Variants in ROBO1 observed in about 807,000 individuals in gnomAD.
ROBO1 encodes the protein roundabout guidance receptor 1.
A neutral mutation model predicts 195.9 loss-of-function variants in ROBO1; 149 were observed. The observed-to-expected ratio is 0.76, with a 90% CI of 0.67 to 0.87. The LOEUF is 0.87. Among genes scored for constraint, ROBO1 ranks in the 40% least tolerant of loss-of-function variants. The pLI, the probability that ROBO1 is intolerant of heterozygous loss-of-function variation, is 0.00. For missense variants in ROBO1, 1,933 were observed against 2,068.3 expected, an observed-to-expected ratio of 0.93 and a Z score of 1.27; for synonymous variants, 816 against 733.2, an observed-to-expected ratio of 1.11 and a Z score of -1.82.
chr3:79,760,652 A>C lies in ROBO1; in HGVS notation c.-51+7100T>G, dbSNP rs188321268. ...CTGAATGTTCTATGAAAACATGCTCACCACACTAATAATCAGAAAAGACAA... is the reference window on the plus strand; with the variant it reads ...CTGAATGTTCTATGAAAACATGCTCCCCACACTAATAATCAGAAAAGACAA... On this transcript the variant is annotated intron_variant, in intron 1 of 30. Coordinates refer to ENST00000464233, the MANE Select transcript of ROBO1 (RefSeq NM_002941.4). Among the ~76,000 whole-genome samples the C allele has an allele frequency of 2.6e-5, 4 of 151,430 alleles. No individual in the cohort carries two copies. The East Asian group carries it at 7.7e-4, about 29-fold the overall frequency.
intron 1 of ROBO1, among the ~76,000 whole-genome samples, chr3:79,678,299 A>G (rs943295668): frequency 4.6e-5 from 7 of 152,000 alleles, no homozygotes; most frequent in Non-Finnish European, 1.0e-4. Flanking sequence ...ATCACTATAT[A>G]TATATATATA....
intron 2 of ROBO1, among the ~76,000 whole-genome samples, chr3:79,199,355 A>G (rs2081715855): frequency 6.6e-6 from 1 of 151,848 alleles, no homozygotes; most frequent in Non-Finnish European, 1.5e-5. Context: ...AGAAATGACC[A>G]AACTAGGCAC....
chr3:79,739,175 G>T (rs915702463), intron 1 of ROBO1, among the ~76,000 whole-genome samples: 1 of 152,072 alleles, frequency 6.6e-6, no homozygotes, highest in Non-Finnish European at 1.5e-5. Context: ...AAAGGATATT[G>T]ACCATTTCCC....
intron 25 of ROBO1, 61 bp from the exon 26 acceptor site, chr3:78,627,630 T>G: frequency 6.7e-7 from 1 of 1,495,766 alleles, no homozygotes; most frequent in East Asian, 2.3e-5. Flanking sequence ...ACTATTTGGA[T>G]AGTAATGAAA....
intron 2 of ROBO1, among the ~76,000 whole-genome samples, chr3:79,552,234 A>G (rs955154537): frequency 6.6e-6 from 1 of 151,950 alleles, no homozygotes; most frequent in Non-Finnish European, 1.5e-5. Flanking sequence ...AACACATACT[A>G]TATCTCTTGA....
chr3:79,323,954 G>A (rs2034097803), intron 2 of ROBO1, among the ~76,000 whole-genome samples: 1 of 152,154 alleles, frequency 6.6e-6, no homozygotes, highest in Non-Finnish European at 1.5e-5. Flanking sequence ...ATTCTTTAGA[G>A]AAGACAAGTT....
rs1458436337 is a variant in ROBO1, at chr3:78,635,808, T to TGAACAC, written c.3337_3338insGTGTTC (p.Val1112_Gln1113insArgVal). 1 of 1,613,858 alleles carries TGAACAC rather than the reference T, an allele frequency of 6.2e-7. No homozygotes were observed. Among genetic ancestry groups the TGAACAC allele is most frequent in the East Asian group, 2.2e-5 (1 of 44,864 alleles). Reference sequence around the variant, plus strand: ...CTTGTTTTGCTCCACGATGTTGTACTGAACTGGTGCCACTTCTTGTTTCTG... The same window carrying TGAACAC: ...CTTGTTTTGCTCCACGATGTTGTACTGAACACGAACTGGTGCCACTTCTTGTTTCTG... On this transcript the variant is annotated inframe_insertion, in exon 23 of 31. Transcript: ENST00000464233.
At chr3:79,369,993 G>A (rs1271814138) in intron 2 of ROBO1, among the ~76,000 whole-genome samples, 1 of 152,088 alleles carries the variant, frequency 6.6e-6, no homozygotes, top group African/African-American at 2.4e-5. Flanking sequence ...ACACATAGAA[G>A]TTTATATTCT....
At chr3:79,598,595 G>A (rs538336146) in intron 1 of ROBO1, among the ~76,000 whole-genome samples, 1 of 151,584 alleles carries the variant, frequency 6.6e-6, no homozygotes, top group East Asian at 1.9e-4. Context: ...CTGCACAGTG[G>A]CTGCAGCAAG....
intron 1 of ROBO1, among the ~76,000 whole-genome samples, chr3:79,634,651 G>T (rs964941568): frequency 6.6e-6 from 1 of 151,812 alleles, no homozygotes; most frequent in African/African-American, 2.4e-5. Flanking sequence ...AATATTTAAA[G>T]CAAATAAACA....
chr3:79,258,491 G>T (rs1000119153), intron 2 of ROBO1, among the ~76,000 whole-genome samples: 1 of 152,054 alleles, frequency 6.6e-6, no homozygotes, highest in African/African-American at 2.4e-5. Context: ...TAGGCATATT[G>T]TAAATATTTC....
intron 3 of ROBO1, among the ~76,000 whole-genome samples, chr3:79,013,629 C>A (rs187205000): frequency 3.3e-5 from 5 of 152,274 alleles, no homozygotes; most frequent in African/African-American, 1.2e-4. Context: ...TAGGAAAATG[C>A]ACAGTAGTTG....
chr3:78,776,897 A>G (rs2083523793), intron 4 of ROBO1, among the ~76,000 whole-genome samples: 1 of 152,224 alleles, frequency 6.6e-6, no homozygotes, highest in African/African-American at 2.4e-5. Context: ...AATTATTGTG[A>G]GGATTAAATA....
At chr3:78,860,327 T>TATATATATATATA (rs1491455003) in intron 4 of ROBO1, among the ~76,000 whole-genome samples, 5 of 12,564 alleles carry the variant, frequency 4.0e-4, no homozygotes, top group East Asian at 1.2e-3. Flanking sequence ...TATATATATA[T>TATATATATATATA]TTTTTTTTTT....
chr3:79,263,084 T>C (rs1204029423), intron 2 of ROBO1, among the ~76,000 whole-genome samples: 2 of 152,140 alleles, frequency 1.3e-5, no homozygotes, highest in East Asian at 3.9e-4. Flanking sequence ...AGGACTGTTT[T>C]CATACCCTTT....
intron 1 of ROBO1, among the ~76,000 whole-genome samples, chr3:79,675,210 G>A (rs924661046): frequency 1.3e-5 from 2 of 149,878 alleles, no homozygotes; most frequent in Non-Finnish European, 3.0e-5. Flanking sequence ...CAGGAATTGG[G>A]ATGAAACAAG....
chr3:78,740,719 T>C (rs2108251464), intron 5 of ROBO1, among the ~76,000 whole-genome samples: 2 of 152,182 alleles, frequency 1.3e-5, no homozygotes, highest in African/African-American at 4.8e-5. Flanking sequence ...GTGATCTGCC[T>C]GCCTTGGCCT....
intron 2 of ROBO1, among the ~76,000 whole-genome samples, chr3:79,568,885 CA>C (rs761266229): frequency 2.4e-4 from 36 of 152,094 alleles, no homozygotes; most frequent in Non-Finnish European, 4.7e-4. Flanking sequence ...GCTGAAATTT[CA>C]GGAAACTAGT....
At chr3:79,048,901 C>A (rs376991304) in intron 3 of ROBO1, among the ~76,000 whole-genome samples, 5 of 152,232 alleles carry the variant, frequency 3.3e-5, no homozygotes, top group African/African-American at 1.2e-4. Context: ...AGGTCACCAA[C>A]ATCAAAGACC....
Sources: allele counts gnomAD v4.1 joint callset (sites outside exome capture counted in the v4.1 genomes callset), GRCh38; gene constraint gnomAD v4.1.1; transcripts MANE v1.5; gene names NCBI Gene and HGNC (gene_info 2026-07-23, HGNC 2026-07-21).